Variants in PHF20 observed in about 807,000 individuals in gnomAD.
PHF20 encodes the protein PHD finger protein 20.
Under a neutral mutation model 113.5 loss-of-function variants are expected in PHF20, and 23 were observed. The ratio of observed to expected loss-of-function variants is 0.20; its 90% confidence interval spans 0.15 to 0.29. The LOEUF is 0.29. Ranked by LOEUF, PHF20 falls within the 10% of genes least tolerant of loss-of-function variation. The probability of loss-of-function intolerance (pLI) is 1.00; values close to 1 mark genes in which losing one functional copy is unlikely to be tolerated. For missense variants in PHF20, 943 were observed against 1,219.6 expected (o/e 0.77, Z 3.38); for synonymous variants, 434 against 457.3 (o/e 0.95, Z 0.65).
intron 6 of PHF20, among the ~76,000 whole-genome samples, 170 bp from the exon 7 acceptor site, chr20:35,869,268 C>T (rs1247662202): frequency 5.3e-5 from 8 of 152,110 alleles, no homozygotes; most frequent in Non-Finnish European, 1.0e-4. Flanking sequence ...TAATTTCTCA[C>T]TCATTTTACT....
chr20:35,805,513 A>C (rs187216688), intron 2 of PHF20, among the ~76,000 whole-genome samples: 249 of 151,502 alleles, frequency 1.6e-3, no homozygotes, highest in African/African-American at 5.9e-3. Flanking sequence ...TTCCCGGCTA[A>C]TTTTTTGTAA....
chr20:35,825,687 A>C (rs868623204), intron 2 of PHF20, among the ~76,000 whole-genome samples: 2 of 152,174 alleles, frequency 1.3e-5, no homozygotes, highest in African/African-American at 4.8e-5. Flanking sequence ...TTTGTTGCCC[A>C]GGCTGGAGTA....
intron 4 of PHF20, among the ~76,000 whole-genome samples, chr20:35,848,078 C>T (rs2042654697): frequency 6.6e-6 from 1 of 152,082 alleles, no homozygotes; most frequent in Non-Finnish European, 1.5e-5. Context: ...AAGCACATTC[C>T]ACTAGGGTGT....
intron 2 of PHF20, among the ~76,000 whole-genome samples, chr20:35,837,904 G>A (rs986433900): frequency 6.6e-6 from 1 of 152,170 alleles, no homozygotes; most frequent in Non-Finnish European, 1.5e-5. Flanking sequence ...GGTCCCCACC[G>A]CCGTAAGTGA....
chr20:35,846,457 C>T (rs2042625769), intron 3 of PHF20, among the ~76,000 whole-genome samples: 1 of 152,172 alleles, frequency 6.6e-6, no homozygotes, highest in Non-Finnish European at 1.5e-5. Flanking sequence ...AGCCACTGCA[C>T]CTGGCCCATT....
At chr20:35,873,557 C>G (rs963320670) in intron 9 of PHF20, among the ~76,000 whole-genome samples, 1 of 150,940 alleles carries the variant, frequency 6.6e-6, no homozygotes, top group African/African-American at 2.4e-5. Context: ...CAACGTCTGC[C>G]TCCCGGGTTG....
Position 35,893,817 on chromosome 20 carries a change from T to C in PHF20, c.1283-5553T>C, listed in dbSNP as rs555229898. Reference sequence around the variant, plus strand: ...TTTTAGTAGAGATGGGGTTTCACCATGTTGGCCAGGCTGGTCTTGAACTCC... The same window carrying C: ...TTTTAGTAGAGATGGGGTTTCACCACGTTGGCCAGGCTGGTCTTGAACTCC... On this transcript the variant is annotated intron_variant, in intron 9 of 17. Transcript: ENST00000374012. Among the ~76,000 whole-genome samples, 25 of 152,292 alleles carry C rather than the reference T, an allele frequency of 1.6e-4. No homozygotes were observed. The South Asian group carries it at 5.0e-3, about 30-fold the overall frequency.
At chr20:35,869,943 T>C (rs1458032776) in intron 7 of PHF20, among the ~76,000 whole-genome samples, 1 of 151,584 alleles carries the variant, frequency 6.6e-6, no homozygotes, top group Non-Finnish European at 1.5e-5. Context: ...GTGGATCATC[T>C]GAGGTCAGGA....
intron 1 of PHF20, among the ~76,000 whole-genome samples, chr20:35,789,640 G>A (rs1302038511): frequency 1.4e-4 from 21 of 151,802 alleles, no homozygotes; most frequent in African/African-American, 3.9e-4. Context: ...TCCACCTGCC[G>A]GGTTCAAGCA....
intron 14 of PHF20, among the ~76,000 whole-genome samples, chr20:35,930,752 C>A (rs1235053324): frequency 6.6e-6 from 1 of 152,140 alleles, no homozygotes; most frequent in African/African-American, 2.4e-5. Flanking sequence ...AATAGTGCTG[C>A]AGACAGAAGG....
intron 4 of PHF20, among the ~76,000 whole-genome samples, chr20:35,854,319 A>G (rs548302706): frequency 3.9e-4 from 59 of 152,342 alleles, no homozygotes; most frequent in Non-Finnish European, 4.4e-4. Flanking sequence ...CTTAAAGTCT[A>G]AGGACAAAAA....
At chr20:35,922,467 A>G (rs2055537020) in intron 13 of PHF20, among the ~76,000 whole-genome samples, 1 of 152,216 alleles carries the variant, frequency 6.6e-6, no homozygotes, top group South Asian at 2.1e-4. Flanking sequence ...TGTGTTTTCT[A>G]GAAGTGCATG....
At chr20:35,842,867 C>T (rs1330084515) in intron 3 of PHF20, 123 bp downstream of exon 3, 1 of 744,446 alleles carries the variant, frequency 1.3e-6, no homozygotes, top group East Asian at 2.7e-5. Context: ...AGTTGTAACC[C>T]TGAGATCTCT....
intron 4 of PHF20, among the ~76,000 whole-genome samples, chr20:35,855,815 A>G (rs1328941193): frequency 6.6e-6 from 1 of 151,984 alleles, no homozygotes. Context: ...CTGGGATTGC[A>G]GGTGCCCACC....
chr20:35,911,803 C>T (rs2147080171), intron 10 of PHF20, among the ~76,000 whole-genome samples: 1 of 152,010 alleles, frequency 6.6e-6, no homozygotes, highest in East Asian at 1.9e-4. Flanking sequence ...GGATTACAGG[C>T]ATCTGCCACC....
At chr20:35,930,708 G>C (rs1295330925) in intron 14 of PHF20, among the ~76,000 whole-genome samples, 1 of 152,156 alleles carries the variant, frequency 6.6e-6, no homozygotes, top group Non-Finnish European at 1.5e-5. Flanking sequence ...TTTCTGAGGA[G>C]GTGGTAAGGA....
chr20:35,791,440 AGT>A (rs2041545135), intron 1 of PHF20, among the ~76,000 whole-genome samples: 2 of 115,578 alleles, frequency 1.7e-5, no homozygotes, highest in African/African-American at 3.5e-5. Flanking sequence ...ATACCAGAAT[AGT>A]ATCTATCTAT....
chr20:35,857,910 C>G (rs2425177), intron 4 of PHF20, among the ~76,000 whole-genome samples: 1 of 152,138 alleles, frequency 6.6e-6, no homozygotes. Flanking sequence ...TTACTGCCCC[C>G]GATCCCGGAA....
intron 5 of PHF20, among the ~76,000 whole-genome samples, chr20:35,859,548 GT>G (rs773152898): frequency 1.8e-3 from 254 of 141,472 alleles, no homozygotes; most frequent in African/African-American, 3.9e-3. Context: ...TTGGTTTTTG[GT>G]TTTTTTTTTT....
Sources: allele counts gnomAD v4.1 joint callset (sites outside exome capture counted in the v4.1 genomes callset), GRCh38; gene constraint gnomAD v4.1.1; transcripts MANE v1.5; gene names NCBI Gene and HGNC (gene_info 2026-07-23, HGNC 2026-07-21).